CNOT10: variants seen among roughly 807,000 people sequenced by gnomAD.
CNOT10 encodes the protein CCR4-NOT transcription complex, subunit 10.
Under a neutral mutation model 94.6 loss-of-function variants are expected in CNOT10, and 30 were observed. The observed-to-expected ratio is 0.32, with a 90% CI of 0.24 to 0.43. The LOEUF is 0.43. Ranked by LOEUF, CNOT10 falls within the 20% of genes least tolerant of loss-of-function variation. The pLI, the probability that CNOT10 is intolerant of heterozygous loss-of-function variation, is 1.00. For missense variants in CNOT10, 759 were observed against 877.2 expected, an observed-to-expected ratio of 0.87 and a Z score of 1.70; for synonymous variants, 289 against 301.6, an observed-to-expected ratio of 0.96 and a Z score of 0.43.
At chr3:32,699,104 A>G (rs1022340890) in intron 1 of CNOT10, among the ~76,000 whole-genome samples, 7 of 152,238 alleles carry the variant, frequency 4.6e-5, no homozygotes, top group African/African-American at 1.7e-4. Flanking sequence ...GTTCTTTGAG[A>G]TGCTCCTGTT....
rs1369122131 is a variant in CNOT10 at position 32,738,607 on chromosome 3, C to T, written c.1595+1117C>T. ...CCTCCCGAGTAGCTGGGACTACAGG[C>T]GCCTGCCACCACACAGGGCTAATTT... is the stretch of plus-strand genomic sequence containing the variant. On this transcript the variant is annotated intron_variant, in intron 13 of 18. Coordinates refer to ENST00000328834, the MANE Select transcript of CNOT10 (RefSeq NM_015442.3). Among the ~76,000 whole-genome samples the T allele has an allele frequency of 2.6e-5, 4 of 151,788 alleles. No individual in the cohort carries two copies. The East Asian group carries it at 5.9e-4, about 22-fold the overall frequency.
chr3:32,737,270 G>A lies in CNOT10; in HGVS notation c.1515-140G>A, dbSNP rs182940380. 7.1e-4 allele frequency: 388 copies of A among 545,134 alleles called. 2 individuals carry two copies. The highest frequency in any genetic ancestry group is 6.0e-3 in the African/African-American group (310 of 51,436). The allele number at this position is 545,134 out of a possible 1,614,324, so 33.8% of individuals were successfully genotyped here. A position where few individuals can be genotyped will look rare whatever the true frequency, so the allele number is the denominator to read the frequency against. ...GCAGAGGTTGCAGTGAGTTGAGATC[G>A]TGCAATTGCACTCCATCCTGAGCGA... On this transcript the variant is annotated intron_variant, in intron 12 of 18. Coordinates refer to ENST00000328834, the MANE Select transcript of CNOT10 (RefSeq NM_015442.3).
chr3:32,764,648 C>G, intron 16 of CNOT10, 34 bp from the exon 17 acceptor site: 1 of 1,609,898 alleles, frequency 6.2e-7, no homozygotes, highest in African/African-American at 1.3e-5. Flanking sequence ...GTTGGCACGG[C>G]CTCTTCACCA....
chr3:32,746,316 A>G (rs186707281), intron 13 of CNOT10, among the ~76,000 whole-genome samples: 4 of 152,282 alleles, frequency 2.6e-5, no homozygotes, highest in Admixed American at 2.6e-4. Flanking sequence ...TGATTCAAAA[A>G]CATTACATTT....
intron 10 of CNOT10, 109 bp downstream of exon 10, chr3:32,727,979 T>TTTATTTATTTATTTA: frequency 1.8e-6 from 1 of 570,076 alleles, no homozygotes; most frequent in Non-Finnish European, 2.8e-6. Context: ...ACATTTCTCT[T>TTTATTTATTTATTTA]TTTATTTATT....
rs1696549523 is a variant in CNOT10, at chr3:32,685,353, C to T, written c.-108C>T. On this transcript the variant is annotated 5_prime_UTR_variant, in exon 1 of 19. Transcript: ENST00000328834. ...CTAGCCGGAACCTGGGGGCCCGGAGCCGGGGTAGGCACAGAGTTGTCCTCG... is the reference window on the plus strand; with the variant it reads ...CTAGCCGGAACCTGGGGGCCCGGAGTCGGGGTAGGCACAGAGTTGTCCTCG... 2 of 1,350,424 alleles carry T rather than the reference C, an allele frequency of 1.5e-6. No homozygotes were observed. The highest frequency in any genetic ancestry group is 1.0e-6 in the Non-Finnish European group (1 of 970,940). 83.7% of individuals were successfully genotyped at this position (1,350,424 alleles called of 1,614,324 possible).
At chr3:32,687,355 A>G (rs976512630) in intron 1 of CNOT10, among the ~76,000 whole-genome samples, 84 of 151,404 alleles carry the variant, frequency 5.5e-4, no homozygotes, top group African/African-American at 2.0e-3. Flanking sequence ...AAAGTTTCTA[A>G]GACTGTACAT....
rs188937091 is a variant in CNOT10 at position 32,760,718 on chromosome 3, A to G, written c.1709+1147A>G. Among the ~76,000 whole-genome samples the G allele has an allele frequency of 1.5e-4, 23 of 152,292 alleles. No homozygotes were observed. The South Asian group carries it at 1.7e-3, about 11-fold the overall frequency. ...AAAAGCCACGAGTATTCTGCACAAC[A>G]TTAGAACAGTTCTTTCATTCATCGT... is the stretch of plus-strand genomic sequence containing the variant. On this transcript the variant is annotated intron_variant, in intron 14 of 18. Transcript: ENST00000328834.
intron 8 of CNOT10, among the ~76,000 whole-genome samples, chr3:32,725,100 A>G (rs1698607632): frequency 6.6e-6 from 1 of 152,138 alleles, no homozygotes; most frequent in Non-Finnish European, 1.5e-5. Flanking sequence ...TTGGGAAGCC[A>G]AGGTGAAAGG....
intron 13 of CNOT10, among the ~76,000 whole-genome samples, chr3:32,746,067 C>T (rs776445168): frequency 1.3e-5 from 2 of 152,196 alleles, no homozygotes; most frequent in Non-Finnish European, 2.9e-5. Flanking sequence ...TCTTTTCCTT[C>T]GCATAAGGTA....
intron 1 of CNOT10, among the ~76,000 whole-genome samples, chr3:32,689,945 C>T (rs1696783030): frequency 6.6e-6 from 1 of 152,044 alleles, no homozygotes; most frequent in Non-Finnish European, 1.5e-5. Context: ...ACAGTGCGAC[C>T]CTGTCTCAAA....
At chr3:32,691,957 G>A (rs1696865856) in intron 1 of CNOT10, among the ~76,000 whole-genome samples, 2 of 151,496 alleles carry the variant, frequency 1.3e-5, no homozygotes, top group Non-Finnish European at 2.9e-5. Context: ...GGGTGAGGTG[G>A]GAGGATCATT....
Position 32,733,494 on chromosome 3 carries a change from T to C in CNOT10, c.1287T>C (p.Tyr429=), listed in dbSNP as rs368713447. 5.6e-6 allele frequency: 9 copies of C among 1,605,710 alleles called. No individual in the cohort carries two copies. Among genetic ancestry groups the C allele is most frequent in the Non-Finnish European group, 6.8e-6 (8 of 1,174,004 alleles). The part of the protein sequence containing the change: ...GIVQSIVGQG[Y]HRKIVLASQS... Reference sequence around the variant, plus strand: ...TACAGTCTATTGTTGGTCAAGGCTATCATCGTAAAATAGTTTTGGCATCAC... The same window carrying C: ...TACAGTCTATTGTTGGTCAAGGCTACCATCGTAAAATAGTTTTGGCATCAC... The change falls in exon 11 of 19, where the codon TAT becomes TAC. Residue 429 remains tyrosine (Y), a synonymous_variant. Coordinates refer to ENST00000328834, the MANE Select transcript of CNOT10 (RefSeq NM_015442.3).
At chr3:32,726,538 CA>C (rs990612700) in intron 9 of CNOT10, among the ~76,000 whole-genome samples, 10 of 151,020 alleles carry the variant, frequency 6.6e-5, no homozygotes, top group Admixed American at 5.3e-4. Flanking sequence ...ACTAAAAATA[CA>C]AAAAAAATTA....
At chr3:32,764,558 T>G (rs1249465698) in intron 16 of CNOT10, 68 bp downstream of exon 16, 1 of 1,604,724 alleles carries the variant, frequency 6.2e-7, no homozygotes, top group African/African-American at 1.3e-5. Flanking sequence ...TTCTAAATCT[T>G]CTGTGTTCGT....
chr3:32,741,768 C>CAA (rs529423159), intron 13 of CNOT10, among the ~76,000 whole-genome samples: 31 of 86,540 alleles, frequency 3.6e-4, no homozygotes, highest in African/African-American at 4.0e-4. Context: ...GACTCCGTCT[C>CAA]AAAAAAAAAA....
intron 12 of CNOT10, 80 bp downstream of exon 12, chr3:32,735,056 C>G: frequency 8.3e-7 from 1 of 1,199,478 alleles, no homozygotes; most frequent in Non-Finnish European, 1.2e-6. Context: ...TAAGTAAATT[C>G]CTAAAATCTT....
intron 8 of CNOT10, 119 bp from the exon 9 acceptor site, chr3:32,725,331 C>CT: frequency 1.3e-6 from 1 of 780,792 alleles, no homozygotes; most frequent in Non-Finnish European, 2.2e-6. Flanking sequence ...GTGAACTGTT[C>CT]TTTAGGGAGT....
rs955006226 is a variant in CNOT10 at position 32,770,035 on chromosome 3, T to C, written c.2080+73T>C. 4 of 1,167,202 alleles carry C rather than the reference T, an allele frequency of 3.4e-6. No homozygotes were observed. The Admixed American group carries it at 5.1e-5, about 15-fold the overall frequency. 72.3% of individuals were successfully genotyped at this position (1,167,202 alleles called of 1,614,324 possible). ...GATTTTTTGGTTGGGAGACAGGGTC[T>C]CACTGTGTTGCCCAGGCTGGAGTGC... On this transcript the variant is annotated intron_variant, in intron 18 of 18. Transcript: ENST00000328834.
Sources: allele counts gnomAD v4.1 joint callset (sites outside exome capture counted in the v4.1 genomes callset), GRCh38; gene constraint gnomAD v4.1.1; transcripts MANE v1.5; gene names NCBI Gene and HGNC (gene_info 2026-07-23, HGNC 2026-07-21).